GPM6A: variants seen among roughly 807,000 people sequenced by gnomAD.
The protein encoded by GPM6A is neuronal membrane glycoprotein M6-a.
Under a neutral mutation model 32.1 loss-of-function variants are expected in GPM6A, and 7 were observed. That is an observed-to-expected ratio of 0.22 (90% CI 0.12 to 0.41). The LOEUF is 0.41. GPM6A is among the 10% of genes least tolerant of loss of function. GPM6A has a pLI of 1.00. For synonymous variants in GPM6A, 130 were observed against 123.4 expected, an observed-to-expected ratio of 1.05 and a Z score of -0.35; for missense variants, 235 against 347.2, an observed-to-expected ratio of 0.68 and a Z score of 2.57.
At position 175,663,599 on chromosome 4, in the gene GPM6A, A is replaced by T. The variant is rs1453945195; in HGVS notation, c.387+10081T>A. On this transcript the variant is annotated intron_variant, in intron 3 of 6. Transcript: ENST00000393658. ...GCTTGATTTAGCCTTTCCACAATGT[A>T]TACATATTTGAAACCAATATGTGGT... 5.9e-5 allele frequency among the ~76,000 whole-genome samples: 9 copies of T among 152,360 alleles called. No individual in the cohort carries two copies. In the East Asian group the frequency reaches 1.5e-3, roughly 26 times the overall value.
At chr4:175,992,562 T>A (rs1053890887) in intron 1 of GPM6A, among the ~76,000 whole-genome samples, 4 of 152,192 alleles carry the variant, frequency 2.6e-5, no homozygotes, top group Non-Finnish European at 4.4e-5. Flanking sequence ...AGTGAAATCT[T>A]ACAGGACCAA....
chr4:175,897,600 T>G (rs1483004330), intron 1 of GPM6A, among the ~76,000 whole-genome samples: 1 of 152,198 alleles, frequency 6.6e-6, no homozygotes, highest in Non-Finnish European at 1.5e-5. Flanking sequence ...TTAGTGAGTT[T>G]ATTTCTTGCT....
chr4:175,818,266 C>A (rs1318700309), intron 1 of GPM6A, among the ~76,000 whole-genome samples: 1 of 152,190 alleles, frequency 6.6e-6, no homozygotes, highest in African/African-American at 2.4e-5. Context: ...GTTGTTTCTT[C>A]TTCCTAAAAC....
intron 1 of GPM6A, among the ~76,000 whole-genome samples, chr4:175,973,491 G>T (rs1266276402): frequency 6.6e-6 from 1 of 152,180 alleles, no homozygotes; most frequent in African/African-American, 2.4e-5. Context: ...ACTTAAAAGG[G>T]TCAACTACAT....
At chr4:175,787,381 C>T in intron 1 of GPM6A, 1 of 1,535,212 alleles carries the variant, frequency 6.5e-7, no homozygotes, top group Non-Finnish European at 8.7e-7. Context: ...CCGCTGGCTC[C>T]TTGTGAACTC....
At chr4:175,842,157 C>A (rs375307518) in intron 1 of GPM6A, among the ~76,000 whole-genome samples, 6 of 152,124 alleles carry the variant, frequency 3.9e-5, no homozygotes, top group African/African-American at 1.4e-4. Flanking sequence ...ATGGTAACAG[C>A]AATTTTTTTG....
At chr4:175,669,981 C>T (rs538118667) in intron 3 of GPM6A, among the ~76,000 whole-genome samples, 13 of 151,678 alleles carry the variant, frequency 8.6e-5, no homozygotes, top group Admixed American at 2.6e-4. Flanking sequence ...AACATGGAAC[C>T]GGGTGTTCTT....
chr4:175,648,635 T>C (rs1365461250), intron 4 of GPM6A, among the ~76,000 whole-genome samples: 1 of 152,242 alleles, frequency 6.6e-6, no homozygotes, highest in Non-Finnish European at 1.5e-5. Flanking sequence ...GCTGCACTTC[T>C]CTGGAGGCCC....
chr4:175,657,949 C>T (rs913234739), intron 3 of GPM6A, among the ~76,000 whole-genome samples: 2 of 152,088 alleles, frequency 1.3e-5, no homozygotes, highest in African/African-American at 2.4e-5. Flanking sequence ...ATCAAGTAGG[C>T]TCTGGAAATT....
chr4:175,637,774 T>A (rs1449609774), intron 6 of GPM6A, among the ~76,000 whole-genome samples: 2 of 82,268 alleles, frequency 2.4e-5, no homozygotes, highest in East Asian at 6.9e-4. Flanking sequence ...AAATATATAA[T>A]CTATATATAA....
intron 2 of GPM6A, among the ~76,000 whole-genome samples, chr4:175,700,370 G>A (rs549750540): frequency 6.6e-6 from 1 of 152,240 alleles, no homozygotes; most frequent in African/African-American, 2.4e-5. Flanking sequence ...TCCTGATATT[G>A]TAGTTGGAGA....
At chr4:175,661,295 G>T (rs1325354349) in intron 3 of GPM6A, among the ~76,000 whole-genome samples, 1 of 151,996 alleles carries the variant, frequency 6.6e-6, no homozygotes, top group African/African-American at 2.4e-5. Context: ...TTAGCCAGGT[G>T]TGGTGGCAGG....
At chr4:175,771,389 T>G (rs537626114) in intron 1 of GPM6A, among the ~76,000 whole-genome samples, 1 of 151,982 alleles carries the variant, frequency 6.6e-6, no homozygotes, top group East Asian at 1.9e-4. Flanking sequence ...CTGGCCAACA[T>G]GGCGAAACCC....
chr4:175,870,254 AT>A (rs1039751408), intron 1 of GPM6A, among the ~76,000 whole-genome samples: 28 of 129,736 alleles, frequency 2.2e-4, no homozygotes, highest in South Asian at 1.1e-3. Flanking sequence ...ACCAAGTCAA[AT>A]TTTTTTTTCA....
chr4:175,772,080 A>G (rs1413553123), intron 1 of GPM6A, among the ~76,000 whole-genome samples: 2 of 152,164 alleles, frequency 1.3e-5, no homozygotes, highest in Non-Finnish European at 2.9e-5. Flanking sequence ...TGATCCTCCC[A>G]GGTCAGTCAC....
At chr4:175,974,201 G>T (rs959161225) in intron 1 of GPM6A, among the ~76,000 whole-genome samples, 3 of 152,106 alleles carry the variant, frequency 2.0e-5, no homozygotes, top group African/African-American at 7.2e-5. Context: ...CTGCACTCCA[G>T]CCTGGGAGAC....
chr4:175,991,042 T>C (rs1741121102), intron 1 of GPM6A, among the ~76,000 whole-genome samples: 1 of 151,668 alleles, frequency 6.6e-6, no homozygotes. Flanking sequence ...CATTCTTCTT[T>C]TTAAATCTTT....
chr4:175,734,501 T>C (rs1386291424), intron 1 of GPM6A, among the ~76,000 whole-genome samples: 1 of 152,186 alleles, frequency 6.6e-6, no homozygotes, highest in Non-Finnish European at 1.5e-5. Context: ...CTCAGTCTTC[T>C]TTGCTAGTTT....
rs1481828403 is a variant in GPM6A, at chr4:175,633,724, A to G, written c.*1181T>C. The G allele has an allele frequency of 6.6e-6, 1 of 152,502 alleles. No homozygotes were observed. The highest frequency in any genetic ancestry group is 1.9e-4 in the East Asian group (1 of 5,192). 9.4% of individuals were successfully genotyped at this position (152,502 alleles called of 1,614,324 possible). ...AGGTACTTTTTATAAATGAATATGA[A>G]TGAACATTCGGTTAAAATGACTTAC... On this transcript the variant is annotated 3_prime_UTR_variant, in exon 7 of 7. Transcript: ENST00000393658.
Sources: allele counts gnomAD v4.1 joint callset (sites outside exome capture counted in the v4.1 genomes callset), GRCh38; gene constraint gnomAD v4.1.1; transcripts MANE v1.5; gene names NCBI Gene and HGNC (gene_info 2026-07-23, HGNC 2026-07-21).